Variants in COPS7B observed in about 807,000 individuals in gnomAD.
The protein encoded by COPS7B is COP9 signalosome complex subunit 7b.
Under a neutral mutation model 33.4 loss-of-function variants are expected in COPS7B, and 9 were observed. That is an observed-to-expected ratio of 0.27 (90% CI 0.16 to 0.47). The LOEUF is 0.47. Ranked by LOEUF, COPS7B falls within the 20% of genes least tolerant of loss-of-function variation. The pLI is 0.99. For missense variants in COPS7B, 242 were observed against 318.2 expected (o/e 0.76, Z 1.82); for synonymous variants, 119 against 126.3 (o/e 0.94, Z 0.39).
chr2:231,805,663 A>G (rs1031484372), intron 6 of COPS7B, among the ~76,000 whole-genome samples: 2 of 151,332 alleles, frequency 1.3e-5, no homozygotes, highest in Non-Finnish European at 1.5e-5. Flanking sequence ...TTGTTGAGAT[A>G]AGGTCTTACT....
intron 6 of COPS7B, among the ~76,000 whole-genome samples, chr2:231,804,786 T>C (rs1229846302): frequency 1.3e-5 from 2 of 152,236 alleles, no homozygotes; most frequent in African/African-American, 4.8e-5. Context: ...ATTAAAATTT[T>C]GTCAGCTTTT....
intron 5 of COPS7B, 134 bp downstream of exon 5, chr2:231,796,442 G>T: frequency 1.4e-6 from 1 of 695,702 alleles, no homozygotes. Flanking sequence ...TAGTGAGCCG[G>T]AGAGTGGAGC....
At chr2:231,782,499 T>C (rs1198813874), upstream of COPS7B, among the ~76,000 whole-genome samples, 1 of 152,224 alleles carries the variant, frequency 6.6e-6, no homozygotes, top group Non-Finnish European at 1.5e-5. Flanking sequence ...TTGGCCTTCC[T>C]TCCTCTGCCT....
intron 1 of COPS7B, 135 bp from the exon 2 acceptor site, chr2:231,788,420 G>A (rs2049315375): frequency 2.6e-6 from 2 of 778,376 alleles, no homozygotes; most frequent in East Asian, 2.8e-5. Context: ...ACAGGCATGA[G>A]CCACTGCACT....
At chr2:231,789,727 C>G (rs1430530950) in intron 2 of COPS7B, 1 of 152,218 alleles carries the variant, frequency 6.6e-6, no homozygotes, top group Admixed American at 6.6e-5. Context: ...GCTGTTGGCT[C>G]CACACCCACA....
At chr2:231,783,873 G>T (rs1483165145), upstream of COPS7B, among the ~76,000 whole-genome samples, 2 of 152,130 alleles carry the variant, frequency 1.3e-5, no homozygotes, top group Non-Finnish European at 2.9e-5. Flanking sequence ...AGTAGCTATA[G>T]TAAGACTATA....
intron 2 of COPS7B, 71 bp from the exon 3 acceptor site, chr2:231,791,662 G>A (rs774747781): frequency 2.6e-5 from 34 of 1,307,588 alleles, no homozygotes; most frequent in Non-Finnish European, 3.8e-5. Flanking sequence ...ATGCTCACCC[G>A]TCCTCTGTTT....
At chr2:231,803,176 G>A (rs182948745) in intron 6 of COPS7B, among the ~76,000 whole-genome samples, 4 of 152,372 alleles carry the variant, frequency 2.6e-5, no homozygotes, top group Admixed American at 2.6e-4. Context: ...GGCAAGTACA[G>A]ATTGAAGGGT....
chr2:231,796,331 G>T, intron 5 of COPS7B, 23 bp downstream of exon 5: 6 of 1,605,144 alleles, frequency 3.7e-6, no homozygotes, highest in South Asian at 1.1e-5. Flanking sequence ...GGAGGAGGGG[G>T]ATATCTAGCA....
At chr2:231,807,354 C>A in intron 6 of COPS7B, 133 bp from the exon 7 acceptor site, 2 of 900,458 alleles carry the variant, frequency 2.2e-6, no homozygotes, top group Non-Finnish European at 3.2e-6. Context: ...TTCTGCTCAT[C>A]TGGATTTCTG....
At chr2:231,788,827 T>A in intron 2 of COPS7B, 95 bp downstream of exon 2, 1 of 1,172,164 alleles carries the variant, frequency 8.5e-7, no homozygotes, top group Non-Finnish European at 1.2e-6. Context: ...TGTGAACCTG[T>A]GAGGTACCCT....
chr2:231,789,347 C>T (rs2049343046), intron 2 of COPS7B: 1 of 152,266 alleles, frequency 6.6e-6, no homozygotes, highest in African/African-American at 2.4e-5. Flanking sequence ...AGATGTAAAG[C>T]AATCTATACT....
intron 2 of COPS7B, 121 bp from the exon 3 acceptor site, chr2:231,791,612 T>C (rs1403618107): frequency 1.3e-6 from 1 of 763,370 alleles, no homozygotes; most frequent in Non-Finnish European, 2.2e-6. Context: ...GGCCAAGTAA[T>C]CAAATAGTAC....
At chr2:231,803,786 G>A (rs1289496774) in intron 6 of COPS7B, among the ~76,000 whole-genome samples, 1 of 152,234 alleles carries the variant, frequency 6.6e-6, no homozygotes, top group African/African-American at 2.4e-5. Flanking sequence ...GGACCAGAGT[G>A]AGAACCATGA....
At chr2:231,801,167 G>A in intron 6 of COPS7B, 1 of 1,550,530 alleles carries the variant, frequency 6.4e-7, no homozygotes, top group South Asian at 1.2e-5. Context: ...GGAAAAACGT[G>A]ATGTCCCCCT....
chr2:231,801,768 T>C (rs2049754822), intron 6 of COPS7B, among the ~76,000 whole-genome samples: 1 of 151,856 alleles, frequency 6.6e-6, no homozygotes, highest in South Asian at 2.1e-4. Flanking sequence ...ATGCCCAACC[T>C]ACTTTTCTTT....
chr2:231,788,453 C>A, intron 1 of COPS7B, 102 bp from the exon 2 acceptor site: 1 of 1,124,950 alleles, frequency 8.9e-7, no homozygotes, highest in Non-Finnish European at 1.3e-6. Context: ...TCTTTATCAA[C>A]ACTATAAAAG....
Position 231,807,869 on chromosome 2 carries a change from C to T in COPS7B, c.*224C>T. On this transcript the variant is annotated 3_prime_UTR_variant, in exon 7 of 7. Transcript: ENST00000350033. ...TTCAGACTCAGGGGCTCCACCAATGCCATCCCAAAACAGGGTCAGACACTG... is the reference window on the plus strand; with the variant it reads ...TTCAGACTCAGGGGCTCCACCAATGTCATCCCAAAACAGGGTCAGACACTG... The T allele has an allele frequency of 2.1e-6, 1 of 471,180 alleles. No individual in the cohort carries two copies. Among genetic ancestry groups the T allele is most frequent in the Non-Finnish European group, 3.8e-6 (1 of 265,304 alleles). The allele number at this position is 471,180 out of a possible 1,614,324, so 29.2% of individuals were successfully genotyped here.
At chr2:231,795,969 T>G (rs1304841531) in intron 4 of COPS7B, 137 bp from the exon 5 acceptor site, 2 of 655,830 alleles carry the variant, frequency 3.0e-6, no homozygotes, top group Admixed American at 2.8e-5. Context: ...CACCTCTTGT[T>G]GCCCTAGCTA....
Sources: gnomAD v4.1 joint callset for allele counts (sites outside exome capture counted in the v4.1 genomes callset) on GRCh38, gnomAD v4.1.1 for gene constraint, MANE v1.5 for transcripts, NCBI Gene and HGNC (gene_info 2026-07-23, HGNC 2026-07-21) for gene names.